Variants in PRAMEF5 observed in about 807,000 individuals in gnomAD.
PRAMEF5 encodes PRAME family member 5.
A neutral mutation model predicts 16.4 loss-of-function variants in PRAMEF5; 5 were observed. That is an observed-to-expected ratio of 0.30 (90% confidence interval 0.16 to 0.64). The LOEUF (loss-of-function observed/expected upper bound fraction) is 0.64, where lower values mean the gene tolerates loss of function less well. Among genes scored for constraint, PRAMEF5 ranks in the 30% least tolerant of loss-of-function variants. The pLI is 0.80. For missense variants in PRAMEF5, 36 were observed against 282.9 expected, an observed-to-expected ratio of 0.13 and a Z score of 6.26; for synonymous variants, 19 against 107.3, an observed-to-expected ratio of 0.18 and a Z score of 5.09.
At position 13,263,209 on chromosome 1, in the gene PRAMEF5, C is replaced by T. The variant is rs1291471130; in HGVS notation, c.*98C>T. 15 of 1,302,490 alleles carry T rather than the reference C, an allele frequency of 1.2e-5. No individual in the cohort carries two copies. In the Admixed American group the frequency reaches 1.2e-4, roughly 10 times the overall value. The allele number at this position is 1,302,490 out of a possible 1,614,324, so 80.7% of individuals were successfully genotyped here. On this transcript the variant is annotated 3_prime_UTR_variant, in exon 4 of 4. Coordinates refer to ENST00000622421, the Ensembl canonical transcript of PRAMEF5. ...GTACATCCTATAGGGAGCACAGAAC[C>T]CATCATTTCACACATGGGCTCTGAA...
chr1:13,260,869 G>A (rs1639391948), intron 3 of PRAMEF5, 66 bp downstream of exon 3: 7 of 225,880 alleles, frequency 3.1e-5, no homozygotes, highest in Non-Finnish European at 5.3e-5. Context: ...ACGCTAGTGG[G>A]CATCTACTGT....
Position 13,263,268 on chromosome 1 carries a change from G to T in PRAMEF5, c.*157G>T, listed in dbSNP as rs1553172975. The T allele has an allele frequency of 8.1e-3, 10,248 of 1,259,396 alleles. 273 individuals are homozygous for T. The highest frequency in any genetic ancestry group is 0.037 in the South Asian group (2,803 of 76,082). 78.0% of individuals were successfully genotyped at this position (1,259,396 alleles called of 1,614,324 possible). On this transcript the variant is annotated 3_prime_UTR_variant, in exon 4 of 4. Transcript: ENST00000622421. ...AGGAAAGGTGATCAAGCAGGGGCAG[G>T]ACTTGGGGGAAGTGTTGCCATGGAT...
intron 3 of PRAMEF5, chr1:13,262,009 G>A (rs1274395282): frequency 1.6e-5 from 2 of 123,802 alleles, no homozygotes; most frequent in Admixed American, 1.5e-4. Context: ...CTGTGAACTT[G>A]ATCCATTCCT....
chr1:13,259,802 C>T (rs1257049652), intron 2 of PRAMEF5: 31 of 224,772 alleles, frequency 1.4e-4, no homozygotes, highest in African/African-American at 6.5e-4. Context: ...GGCACGGTGG[C>T]TCACAATGTA....
chr1:13,255,776 C>CTTTTT (rs1174990976), intron 1 of PRAMEF5: 5 of 21,678 alleles, frequency 2.3e-4, no homozygotes, highest in Non-Finnish European at 3.4e-4. Flanking sequence ...TTTTCTTTTT[C>CTTTTT]TTTTTTTTTT....
chr1:13,259,806 C>T, intron 2 of PRAMEF5: 1 of 232,092 alleles, frequency 4.3e-6, no homozygotes, highest in Non-Finnish European at 8.0e-6. Flanking sequence ...CGGTGGCTCA[C>T]AATGTAATCC....
chr1:13,259,983 A>G, intron 2 of PRAMEF5: 1 of 544,860 alleles, frequency 1.8e-6, no homozygotes, highest in Non-Finnish European at 3.2e-6. Flanking sequence ...CGGGAAGCAG[A>G]GGTTGCAGTG....
At chr1:13,260,028 G>A (rs1391420617) in intron 2 of PRAMEF5, 194 bp from the exon 3 acceptor site, 25 of 823,458 alleles carry the variant, frequency 3.0e-5, no homozygotes, top group African/African-American at 6.6e-5. Context: ...CAGCCTGGGC[G>A]ACAGAGGGAG....
chr1:13,259,821 A>C (rs1553173725), intron 2 of PRAMEF5: 21,959 of 249,274 alleles, frequency 0.088, 76 homozygotes, highest in African/African-American at 0.29. Context: ...TAATCCCAGC[A>C]CATTGGGAGG....
chr1:13,260,124 A>G, intron 2 of PRAMEF5, 98 bp from the exon 3 acceptor site: 4 of 1,547,992 alleles, frequency 2.6e-6, no homozygotes, highest in Non-Finnish European at 3.5e-6. Context: ...AGAGAGAGGG[A>G]CAAGAAGCAG....
At position 13,260,344 on chromosome 1, in the gene PRAMEF5, AC is replaced by A; in HGVS notation, c.411del (p.Cys138ValfsTer4). ...AAGAGGAACAAAAAACCAGTGCAGGACTGTCCAAGGATGAGAGGACAGCAGC... is the reference window on the plus strand; with the variant it reads ...AAGAGGAACAAAAAACCAGTGCAGGATGTCCAAGGATGAGAGGACAGCAGC... On this transcript the variant is annotated frameshift_variant, in exon 3 of 4. Coordinates refer to ENST00000622421, the Ensembl canonical transcript of PRAMEF5. LOFTEE classifies it high-confidence loss of function. 5 of 1,598,228 alleles carry A rather than the reference AC, an allele frequency of 3.1e-6. No individual in the cohort carries two copies. In the East Asian group the frequency reaches 1.2e-4, roughly 37 times the overall value.
chr1:13,261,017 G>C, intron 3 of PRAMEF5: 1 of 39,828 alleles, frequency 2.5e-5, no homozygotes, highest in Admixed American at 2.8e-4. Context: ...GAGATGCTAT[G>C]GAGAGGCTGC....
At chr1:13,260,723 G>C in exon 3 of PRAMEF5, 1 of 442,048 alleles carries the variant, frequency 2.3e-6, no homozygotes, top group South Asian at 2.3e-5. Context: ...TCACCACTCA[G>C]TTCCTCAAGC....
At chr1:13,256,122 C>T (rs1639324090) in intron 1 of PRAMEF5, 1 of 130,926 alleles carries the variant, frequency 7.6e-6, no homozygotes, top group Non-Finnish European at 1.7e-5. Flanking sequence ...ATCCCTAACA[C>T]TGTCGATTTC....
At chr1:13,262,207 T>C (rs1169880609) in intron 3 of PRAMEF5, 1 of 74,008 alleles carries the variant, frequency 1.4e-5, no homozygotes, top group Non-Finnish European at 2.8e-5. Flanking sequence ...AATTGCAGGC[T>C]CCCGCCACCA....
At chr1:13,261,967 C>G (rs1243296984) in intron 3 of PRAMEF5, 5 of 79,914 alleles carry the variant, frequency 6.3e-5, no homozygotes, top group African/African-American at 1.8e-4. Context: ...GGTTTTCTGC[C>G]TGACAGATGA....
chr1:13,260,036 G>T (rs1435997583), intron 2 of PRAMEF5, 186 bp from the exon 3 acceptor site: 15 of 846,248 alleles, frequency 1.8e-5, no homozygotes, highest in Non-Finnish European at 2.1e-5. Flanking sequence ...GCGACAGAGG[G>T]AGACGTGGTC....
chr1:13,256,286 T>C (rs1457530961), intron 1 of PRAMEF5: 1 of 143,014 alleles, frequency 7.0e-6, no homozygotes, highest in East Asian at 2.4e-4. Context: ...TAGCAGCGGA[T>C]ATGTGCAGGG....
At chr1:13,255,770 CTTTTTCTTTTTT>C (rs1639312411) in intron 1 of PRAMEF5, 1 of 24,610 alleles carries the variant, frequency 4.1e-5, no homozygotes, top group Non-Finnish European at 1.0e-4. Context: ...TCTCCTTTTT[CTTTTTCTTTTTT>C]TTTTTTTTTT....
Sources: allele counts gnomAD v4.1 joint callset, GRCh38; gene constraint gnomAD v4.1.1; transcripts MANE v1.5; gene names NCBI Gene and HGNC (gene_info 2026-07-23, HGNC 2026-07-21).